The following AGBL4 variants were observed in gnomAD, a reference collection of about 807,000 sequenced individuals.
AGBL4 encodes the protein AGBL carboxypeptidase 4.
Under a neutral mutation model 66.4 loss-of-function variants are expected in AGBL4, and 58 were observed. The ratio of observed to expected loss-of-function variants is 0.87; its 90% CI spans 0.71 to 1.09. AGBL4 has a LOEUF of 1.09. AGBL4 is among the 50% of genes least tolerant of loss of function. The probability of loss-of-function intolerance (pLI) is 0.00; values close to 1 mark genes in which losing one functional copy is unlikely to be tolerated. For synonymous variants in AGBL4, 234 were observed against 222.9 expected (o/e 1.05, Z -0.44); for missense variants, 579 against 631.0 (o/e 0.92, Z 0.88).
chr1:49,220,120 G>A (rs1371549121), intron 4 of AGBL4, among the ~76,000 whole-genome samples: 1 of 152,086 alleles, frequency 6.6e-6, no homozygotes, highest in Non-Finnish European at 1.5e-5. Flanking sequence ...TTCTCAAATA[G>A]CTACAGATTT....
At position 48,604,114 on chromosome 1, in the gene AGBL4, C is replaced by T. The variant is rs190812627; in HGVS notation, c.952-13129G>A. Among the ~76,000 whole-genome samples, 98 of 151,212 alleles carry T rather than the reference C, an allele frequency of 6.5e-4. 1 individual carries two copies. The highest frequency in any genetic ancestry group is 3.4e-3 in the Middle Eastern group (1 of 294). On this transcript the variant is annotated intron_variant, in intron 9 of 13. Transcript: ENST00000371839. The stretch of plus-strand genomic sequence containing the variant: ...CACCACCGCACTACAGCCTGGGCTA[C>T]GGAGCGAGACTTCATCTCAAAACAA...
intron 3 of AGBL4, among the ~76,000 whole-genome samples, chr1:49,692,215 C>T (rs1646902091): frequency 6.6e-6 from 1 of 152,122 alleles, no homozygotes; most frequent in Admixed American, 6.5e-5. Flanking sequence ...TTTCATTTTA[C>T]AGATGAGAAA....
chr1:49,001,484 G>T (rs970319256), intron 5 of AGBL4, among the ~76,000 whole-genome samples: 6 of 152,060 alleles, frequency 3.9e-5, no homozygotes, highest in African/African-American at 1.4e-4. Context: ...TTGGTAGGAG[G>T]GTCCTCTCCA....
chr1:49,575,268 G>T (rs1644413596), intron 3 of AGBL4, among the ~76,000 whole-genome samples: 1 of 152,280 alleles, frequency 6.6e-6, no homozygotes. Flanking sequence ...TTTTAGCTCT[G>T]ACTTACAGTG....
chr1:49,004,591 T>C (rs1220561928), intron 5 of AGBL4, among the ~76,000 whole-genome samples: 1 of 152,140 alleles, frequency 6.6e-6, no homozygotes, highest in Non-Finnish European at 1.5e-5. Flanking sequence ...CCAGTCCTTG[T>C]CCATAATTAG....
In AGBL4 at chr1:49,045,571, G is replaced by A. The variant is rs1644057588; in HGVS notation, c.594+13C>T. ...TTTCCAAATGAGTAACCCAAACCTGGCACAGGCCTTACCACACTCTGGCCC... is the reference window on the plus strand; with the variant it reads ...TTTCCAAATGAGTAACCCAAACCTGACACAGGCCTTACCACACTCTGGCCC... On this transcript the variant is annotated intron_variant, in intron 5 of 13. Transcript: ENST00000371839. 1.2e-6 allele frequency: 2 copies of A among 1,600,456 alleles called. No homozygotes were observed. The highest frequency in any genetic ancestry group is 2.3e-5 in the South Asian group (2 of 88,326).
chr1:49,252,196 A>G (rs957974299), intron 3 of AGBL4, among the ~76,000 whole-genome samples: 3 of 152,130 alleles, frequency 2.0e-5, no homozygotes, highest in Non-Finnish European at 4.4e-5. Flanking sequence ...CAAAATAACC[A>G]GTATAGAAAA....
At chr1:49,254,468 G>A (rs1227449088) in intron 3 of AGBL4, among the ~76,000 whole-genome samples, 2 of 151,984 alleles carry the variant, frequency 1.3e-5, no homozygotes, top group Non-Finnish European at 2.9e-5. Context: ...GGAGGTGAAA[G>A]ATCCCTACAA....
At chr1:48,740,621 G>A (rs1232832436) in intron 6 of AGBL4, among the ~76,000 whole-genome samples, 5 of 152,184 alleles carry the variant, frequency 3.3e-5, no homozygotes, top group Non-Finnish European at 7.3e-5. Flanking sequence ...ATGGCATCTG[G>A]TAGGATGGAA....
intron 6 of AGBL4, among the ~76,000 whole-genome samples, chr1:48,689,042 C>T (rs1394843986): frequency 6.6e-6 from 1 of 151,238 alleles, no homozygotes; most frequent in Non-Finnish European, 1.5e-5. Context: ...GTGGTGAAAC[C>T]CCGTCTCTAC....
At chr1:48,643,985 C>T (rs1205094273) in intron 8 of AGBL4, among the ~76,000 whole-genome samples, 1 of 152,090 alleles carries the variant, frequency 6.6e-6, no homozygotes, top group African/African-American at 2.4e-5. Flanking sequence ...GACTATGCCT[C>T]CCAGGTCCTG....
the AGBL4 span, among the ~76,000 whole-genome samples, chr1:48,527,089 A>G: frequency 6.6e-6 from 1 of 152,118 alleles, no homozygotes; most frequent in Non-Finnish European, 1.5e-5. Flanking sequence ...ATAAAGCCAT[A>G]ATTAGGATTC....
At chr1:49,755,466 C>T (rs1651818441) in intron 2 of AGBL4, among the ~76,000 whole-genome samples, 2 of 152,150 alleles carry the variant, frequency 1.3e-5, no homozygotes, top group Admixed American at 6.6e-5. Flanking sequence ...GTTTATGCTC[C>T]AACCTTATTT....
intron 1 of AGBL4, among the ~76,000 whole-genome samples, chr1:49,889,551 T>C (rs1165047059): frequency 6.6e-6 from 1 of 151,986 alleles, no homozygotes; most frequent in African/African-American, 2.4e-5. Context: ...GGTCAGGAGA[T>C]GGAGACCATC....
At chr1:49,968,530 C>T (rs1657766813) in intron 1 of AGBL4, among the ~76,000 whole-genome samples, 1 of 152,180 alleles carries the variant, frequency 6.6e-6, no homozygotes, top group South Asian at 2.1e-4. Flanking sequence ...AATTGCCTTT[C>T]ATTATCCATT....
intron 7 of AGBL4, among the ~76,000 whole-genome samples, chr1:48,661,641 G>A (rs765145388): frequency 6.6e-6 from 1 of 152,204 alleles, no homozygotes; most frequent in Non-Finnish European, 1.5e-5. Flanking sequence ...GAGAGCACCT[G>A]AGATCCATTC....
intron 3 of AGBL4, among the ~76,000 whole-genome samples, chr1:49,634,956 T>A (rs558273250): frequency 6.6e-6 from 1 of 152,304 alleles, no homozygotes; most frequent in African/African-American, 2.4e-5. Context: ...GGTCTAAAAT[T>A]CCAAAGAGGC....
At chr1:49,145,876 T>G (rs1210307960) in intron 4 of AGBL4, among the ~76,000 whole-genome samples, 1 of 152,170 alleles carries the variant, frequency 6.6e-6, no homozygotes, top group Non-Finnish European at 1.5e-5. Flanking sequence ...AATACATGAA[T>G]GGATCAAGAA....
chr1:49,541,696 C>A (rs769482195), intron 3 of AGBL4, among the ~76,000 whole-genome samples: 1 of 152,216 alleles, frequency 6.6e-6, no homozygotes, highest in South Asian at 2.1e-4. Context: ...CACCCAAGGG[C>A]TGAGGAGTGC....
Sources: allele counts gnomAD v4.1 joint callset (sites outside exome capture counted in the v4.1 genomes callset), GRCh38; gene constraint gnomAD v4.1.1; transcripts MANE v1.5; gene names NCBI Gene and HGNC (gene_info 2026-07-23, HGNC 2026-07-21).